The following RELN variants were observed in gnomAD, a reference collection of about 807,000 sequenced individuals.
The protein encoded by RELN is reelin.
A neutral mutation model predicts 427.6 loss-of-function variants in RELN; 108 were observed. That is an observed-to-expected ratio of 0.25 (90% CI 0.22 to 0.30). RELN has a LOEUF of 0.30. Among genes scored for constraint, RELN ranks in the 10% least tolerant of loss-of-function variants. RELN has a pLI of 1.00. For synonymous variants in RELN, 1,524 were observed against 1,513.4 expected (o/e 1.01, Z -0.16); for missense variants, 3,715 against 4,302.8 (o/e 0.86, Z 3.82).
Position 103,496,551 on chromosome 7 carries a change from G to A in RELN, c.9168C>T (p.Ser3056=). The A allele has an allele frequency of 6.2e-7, 1 of 1,614,100 alleles. No homozygotes were observed. The highest frequency in any genetic ancestry group is 8.5e-7 in the Non-Finnish European group (1 of 1,180,004). Residue 3056 remains serine (S), a synonymous_variant, in exon 56 of 65, where the codon AGC becomes AGT. Coordinates refer to ENST00000428762, the MANE Select transcript of RELN (RefSeq NM_005045.4). ...CATCATCAAAAGTGTCCACCAATTGGCTGGGATTGATTTCTGCTCCACCAA... is the reference window on the plus strand; with the variant it reads ...CATCATCAAAAGTGTCCACCAATTGACTGGGATTGATTTCTGCTCCACCAA... ...ILIGGAEINP[S]QLVDTFDDEG...
chr7:103,984,012 G>A (rs1797046267), intron 1 of RELN, among the ~76,000 whole-genome samples: 4 of 152,028 alleles, frequency 2.6e-5, no homozygotes, highest in Admixed American at 2.6e-4. Flanking sequence ...TATTTATGAA[G>A]ATTAAAGATA....
chr7:103,494,500 G>A (rs1467544183), intron 57 of RELN, among the ~76,000 whole-genome samples: 1 of 150,018 alleles, frequency 6.7e-6, no homozygotes, highest in African/African-American at 2.5e-5. Flanking sequence ...TCAGCTTCCT[G>A]AGCAGCTAGG....
intron 22 of RELN, among the ~76,000 whole-genome samples, chr7:103,610,304 G>T (rs1368977142): frequency 6.6e-6 from 1 of 152,132 alleles, no homozygotes; most frequent in Non-Finnish European, 1.5e-5. Context: ...ATATACAAAA[G>T]TAAGGGTTTG....
intron 20 of RELN, among the ~76,000 whole-genome samples, chr7:103,621,139 C>T (rs1832208933): frequency 6.6e-6 from 1 of 152,104 alleles, no homozygotes; most frequent in Non-Finnish European, 1.5e-5. Context: ...GCACCTATGT[C>T]TCATGTTAAA....
At chr7:103,959,936 T>C (rs1175394123) in intron 1 of RELN, among the ~76,000 whole-genome samples, 1 of 152,036 alleles carries the variant, frequency 6.6e-6, no homozygotes, top group African/African-American at 2.4e-5. Context: ...CTTCAACAAA[T>C]TCAAATCTGA....
rs1487176913 is a variant in RELN at position 103,652,533 on chromosome 7, CA to C, written c.1763+17del. The C allele has an allele frequency of 1.9e-6, 3 of 1,607,108 alleles. No individual in the cohort carries two copies. Among genetic ancestry groups the C allele is most frequent in the Non-Finnish European group, 2.6e-6 (3 of 1,174,304 alleles). Reference sequence around the variant, plus strand: ...ACTCATTTTTAGTTTTGCACACTTACAAAATAGGGCTTCCTACCTGTTACCA... The same window carrying C: ...ACTCATTTTTAGTTTTGCACACTTACAAATAGGGCTTCCTACCTGTTACCA... On this transcript the variant is annotated intron_variant, in intron 14 of 64. Coordinates refer to ENST00000428762, the MANE Select transcript of RELN (RefSeq NM_005045.4).
chr7:103,882,325 G>T (rs1038875614), intron 2 of RELN, among the ~76,000 whole-genome samples: 3 of 151,704 alleles, frequency 2.0e-5, no homozygotes, highest in African/African-American at 7.3e-5. Flanking sequence ...CTAAAACCAG[G>T]GCCTATTTGA....
At chr7:103,922,328 G>A (rs1176115822) in intron 1 of RELN, among the ~76,000 whole-genome samples, 1 of 151,966 alleles carries the variant, frequency 6.6e-6, no homozygotes, top group Non-Finnish European at 1.5e-5. Context: ...TTATATATCT[G>A]TATTTTGTAT....
At chr7:103,722,166 A>T (rs1480784869) in intron 8 of RELN, among the ~76,000 whole-genome samples, 1 of 152,214 alleles carries the variant, frequency 6.6e-6, no homozygotes, top group Non-Finnish European at 1.5e-5. Context: ...CCTCCTACAC[A>T]GGCTGAAACA....
intron 9 of RELN, among the ~76,000 whole-genome samples, chr7:103,698,527 T>C (rs1316106399): frequency 6.6e-6 from 1 of 152,146 alleles, no homozygotes; most frequent in African/African-American, 2.4e-5. Flanking sequence ...TGATTTTGTT[T>C]TTTTGAGACA....
chr7:103,844,953 G>A (rs116679123), intron 2 of RELN, among the ~76,000 whole-genome samples: 1,948 of 152,204 alleles, frequency 0.013, 52 homozygotes, highest in African/African-American at 0.044. Flanking sequence ...GCCAAAGTAA[G>A]GAACAAGAGG....
At position 103,789,578 on chromosome 7, in the gene RELN, A is replaced by G. The variant is rs548012413; in HGVS notation, c.474-12951T>C. ...ATTTATACAGCCAACAAACATATGA[A>G]AAAAAGCTCATCATCACTGGTCATT... is the stretch of plus-strand genomic sequence containing the variant. On this transcript the variant is annotated intron_variant, in intron 3 of 64. Transcript: ENST00000428762. 5.9e-5 allele frequency among the ~76,000 whole-genome samples: 9 copies of G among 152,356 alleles called. No homozygotes were observed. In the South Asian group the frequency reaches 1.9e-3, roughly 32 times the overall value.
chr7:103,591,930 T>A (rs1403163061), intron 27 of RELN, among the ~76,000 whole-genome samples: 2 of 152,188 alleles, frequency 1.3e-5, no homozygotes, highest in East Asian at 3.8e-4. Flanking sequence ...CTCCTATCTT[T>A]AAAAATAAAA....
intron 1 of RELN, among the ~76,000 whole-genome samples, chr7:103,976,682 G>C (rs1014169072): frequency 1.3e-5 from 2 of 152,206 alleles, no homozygotes; most frequent in Non-Finnish European, 2.9e-5. Flanking sequence ...TGGGTGGGCA[G>C]TAAGACACAG....
rs910826251 is a variant in RELN, at chr7:103,569,923, C to T, written c.4588+2261G>A. ...TCCATCTGCGTTATGCCCAGTCTTA[C>T]TGAAAATAGCATAATTTTGATTTTA... On this transcript the variant is annotated intron_variant, in intron 31 of 64. Coordinates refer to ENST00000428762, the MANE Select transcript of RELN (RefSeq NM_005045.4). The surrounding 1 kb of genome is among the most constrained non-coding windows in gnomAD (Gnocchi z 4.0). 1.3e-5 allele frequency among the ~76,000 whole-genome samples: 2 copies of T among 152,184 alleles called. No homozygotes were observed. Among genetic ancestry groups the T allele is most frequent in the Non-Finnish European group, 2.9e-5 (2 of 68,038 alleles).
chr7:103,605,699 A>G (rs1831802556), intron 22 of RELN, among the ~76,000 whole-genome samples: 1 of 152,232 alleles, frequency 6.6e-6, no homozygotes, highest in African/African-American at 2.4e-5. Flanking sequence ...CTATATACAG[A>G]TACCCTTGAT....
intron 1 of RELN, among the ~76,000 whole-genome samples, chr7:103,960,179 G>C (rs1021241336): frequency 2.0e-5 from 3 of 152,128 alleles, no homozygotes; most frequent in African/African-American, 7.2e-5. Context: ...CCTTTCAAAA[G>C]CTCATGAGAC....
intron 2 of RELN, among the ~76,000 whole-genome samples, chr7:103,859,428 G>A (rs39403): frequency 0.35 from 53,802 of 151,800 alleles, 10,164 homozygotes; most frequent in Non-Finnish European, 0.42. Flanking sequence ...TGAGTAGCTG[G>A]GACTACAGGC....
chr7:103,867,624 A>T (rs2116514219), intron 2 of RELN, among the ~76,000 whole-genome samples: 1 of 152,144 alleles, frequency 6.6e-6, no homozygotes, highest in East Asian at 1.9e-4. Flanking sequence ...AACCCAAATT[A>T]ATTTGGGAGT....
Sources: allele counts gnomAD v4.1 joint callset (sites outside exome capture counted in the v4.1 genomes callset), GRCh38; gene constraint gnomAD v4.1.1; non-coding constraint Gnocchi (gnomAD v3.1); transcripts MANE v1.5; gene names NCBI Gene and HGNC (gene_info 2026-07-23, HGNC 2026-07-21).